The following GRIA4 variants were observed in gnomAD, a reference collection of about 807,000 sequenced individuals.
GRIA4 encodes glutamate ionotropic receptor AMPA type subunit 4.
Under a neutral mutation model 104.0 loss-of-function variants are expected in GRIA4, and 34 were observed. The ratio of observed to expected loss-of-function variants is 0.33; its 90% CI spans 0.25 to 0.44. The LOEUF is 0.44. GRIA4 is among the 20% of genes least tolerant of loss of function. The pLI, the probability that GRIA4 is intolerant of heterozygous loss-of-function variation, is 1.00. For missense variants in GRIA4, 750 were observed against 1,096.5 expected, an observed-to-expected ratio of 0.68 and a Z score of 4.46; for synonymous variants, 386 against 381.9, an observed-to-expected ratio of 1.01 and a Z score of -0.13.
chr11:105,819,448 A>G (rs1247122782), intron 4 of GRIA4, among the ~76,000 whole-genome samples: 1 of 152,186 alleles, frequency 6.6e-6, no homozygotes, highest in Non-Finnish European at 1.5e-5. Flanking sequence ...TTTAACTCCC[A>G]TTAATTGCAT....
At chr11:105,786,393 T>C (rs929325917) in intron 4 of GRIA4, among the ~76,000 whole-genome samples, 1 of 152,158 alleles carries the variant, frequency 6.6e-6, no homozygotes, top group Non-Finnish European at 1.5e-5. Context: ...TACATCTCAG[T>C]GTACTATTGA....
chr11:105,870,959 T>C (rs963288449), intron 5 of GRIA4, among the ~76,000 whole-genome samples: 5 of 152,024 alleles, frequency 3.3e-5, no homozygotes, highest in African/African-American at 1.2e-4. Context: ...ACAATGATAC[T>C]TCATCTGTAG....
chr11:105,660,896 TTCAAAGTTTAGGA>T (rs1305449712), intron 3 of GRIA4, among the ~76,000 whole-genome samples: 3 of 151,680 alleles, frequency 2.0e-5, no homozygotes, highest in African/African-American at 7.2e-5. Context: ...CTTACTTATT[TTCAAAGTTTAGGA>T]TCAACCTGTA....
chr11:105,755,507 A>G (rs540055403), intron 4 of GRIA4, among the ~76,000 whole-genome samples: 4 of 152,264 alleles, frequency 2.6e-5, no homozygotes, highest in African/African-American at 9.6e-5. Context: ...AGTAATGAGT[A>G]GCTAAGCAAC....
chr11:105,846,578 G>A (rs1944605071), intron 4 of GRIA4, among the ~76,000 whole-genome samples: 1 of 151,826 alleles, frequency 6.6e-6, no homozygotes, highest in African/African-American at 2.4e-5. Flanking sequence ...TGAAAAACAA[G>A]GAAAAAACAA....
At chr11:105,946,653 A>T (rs1224966866) in intron 14 of GRIA4, among the ~76,000 whole-genome samples, 1 of 152,182 alleles carries the variant, frequency 6.6e-6, no homozygotes, top group Non-Finnish European at 1.5e-5. Context: ...TCGAAAAAGA[A>T]AAATAGACCA....
At chr11:105,797,704 C>A in intron 4 of GRIA4, 2 of 388,326 alleles carry the variant, frequency 5.2e-6, no homozygotes, top group Admixed American at 3.1e-5. Flanking sequence ...TTCTTTGTGT[C>A]TTGTTCATTT....
At chr11:105,825,819 T>C (rs768896936) in intron 4 of GRIA4, among the ~76,000 whole-genome samples, 2 of 152,058 alleles carry the variant, frequency 1.3e-5, no homozygotes, top group Non-Finnish European at 1.5e-5. Context: ...AGATCCCTTA[T>C]GATATTTATG....
chr11:105,714,797 A>T (rs1954034996), intron 3 of GRIA4, among the ~76,000 whole-genome samples: 1 of 151,934 alleles, frequency 6.6e-6, no homozygotes, highest in Non-Finnish European at 1.5e-5. Context: ...GTTGGGACAG[A>T]CCCAGAAGAG....
chr11:105,800,728 T>C (rs1217622365), intron 4 of GRIA4, among the ~76,000 whole-genome samples: 5 of 152,060 alleles, frequency 3.3e-5, no homozygotes, highest in Admixed American at 6.6e-5. Flanking sequence ...GTTTTAGTTT[T>C]GCAGCATGCA....
intron 4 of GRIA4, among the ~76,000 whole-genome samples, chr11:105,855,062 T>C (rs1377798132): frequency 6.6e-6 from 1 of 152,174 alleles, no homozygotes; most frequent in East Asian, 1.9e-4. Flanking sequence ...CTATCAATGA[T>C]TAATAATTTA....
At chr11:105,925,038 C>T (rs544944534) in intron 12 of GRIA4, among the ~76,000 whole-genome samples, 3 of 152,222 alleles carry the variant, frequency 2.0e-5, no homozygotes, top group East Asian at 3.9e-4. Context: ...ATTGGTTTGA[C>T]AAATGGAAAC....
At chr11:105,622,031 T>G (rs1950760640) in intron 3 of GRIA4, among the ~76,000 whole-genome samples, 1 of 151,874 alleles carries the variant, frequency 6.6e-6, no homozygotes, top group Admixed American at 6.6e-5. Context: ...TTCTCGGTTG[T>G]GAGAGTGTTT....
At chr11:105,965,865 T>C (rs942934431) in intron 14 of GRIA4, 3 of 981,902 alleles carry the variant, frequency 3.1e-6, no homozygotes, top group Non-Finnish European at 4.8e-6. Context: ...TGGGAGAAGC[T>C]TATAAAGAGC....
chr11:105,829,057 C>T (rs1246779538), intron 4 of GRIA4, among the ~76,000 whole-genome samples: 2 of 148,690 alleles, frequency 1.3e-5, no homozygotes, highest in Non-Finnish European at 3.0e-5. Flanking sequence ...CTAACAATAA[C>T]AGCTGCTATT....
chr11:105,909,959 C>T (rs1947173002), intron 9 of GRIA4, among the ~76,000 whole-genome samples: 1 of 152,122 alleles, frequency 6.6e-6, no homozygotes, highest in Admixed American at 6.6e-5. Context: ...AAACCCAAAA[C>T]CACTCCTGTT....
intron 3 of GRIA4, among the ~76,000 whole-genome samples, chr11:105,626,970 T>C (rs776986376): frequency 1.3e-5 from 2 of 152,184 alleles, no homozygotes; most frequent in Non-Finnish European, 2.9e-5. Flanking sequence ...TCCTGGCTAA[T>C]GTCCAGGTAA....
intron 3 of GRIA4, among the ~76,000 whole-genome samples, chr11:105,638,426 T>C (rs1047040449): frequency 1.3e-5 from 2 of 152,160 alleles, no homozygotes; most frequent in South Asian, 4.1e-4. Context: ...ATTGTTTTAT[T>C]CCGTAAGTAA....
rs71469040 is a variant in GRIA4, at chr11:105,888,271, C to CTTTTTTTTTTTTTTTTTTTTT, written c.726+709_726+729dup. 3.7e-5 allele frequency among the ~76,000 whole-genome samples: 2 copies of CTTTTTTTTTTTTTTTTTTTTT among 54,560 alleles called. 1 individual carries two copies. Among genetic ancestry groups the CTTTTTTTTTTTTTTTTTTTTT allele is most frequent in the African/African-American group, 1.6e-4 (2 of 12,514 alleles). The allele number at this position is 54,560 out of a possible 152,430, so 35.8% of individuals were successfully genotyped here. A position where few individuals can be genotyped will look rare whatever the true frequency, so the allele number is the denominator to read the frequency against. The stretch of plus-strand genomic sequence containing the variant: ...TTGGAGAAGTTAAGGATGTTTTCTC[C>CTTTTTTTTTTTTTTTTTTTTT]TTTTTTTTTTTTTTTTTTTTTTTTT... On this transcript the variant is annotated intron_variant, in intron 6 of 16. Transcript: ENST00000282499.
Sources: gnomAD v4.1 joint callset for allele counts (sites outside exome capture counted in the v4.1 genomes callset) on GRCh38, gnomAD v4.1.1 for gene constraint, MANE v1.5 for transcripts, NCBI Gene and HGNC (gene_info 2026-07-23, HGNC 2026-07-21) for gene names.